Variants in ZNF41 observed in about 807,000 individuals in gnomAD.
The protein encoded by ZNF41 is zinc finger protein 41.
In ZNF41, 6 loss-of-function variants were observed where a neutral mutation model predicts 9.3. The ratio of observed to expected loss-of-function variants is 0.65; its 90% CI spans 0.35 to 1.28. ZNF41 has a LOEUF of 1.28. Among genes scored for constraint, ZNF41 ranks in the 50% most tolerant of loss-of-function variants. The pLI, the probability that ZNF41 is intolerant of heterozygous loss-of-function variation, is 0.03. For missense variants in ZNF41, 523 were observed against 585.8 expected, an observed-to-expected ratio of 0.89 and a Z score of 1.11; for synonymous variants, 192 against 207.1, an observed-to-expected ratio of 0.93 and a Z score of 0.63.
chrX:47,467,001 G>A (rs753391408), intron 2 of ZNF41, among the ~76,000 whole-genome samples: 7 of 111,839 alleles, frequency 6.3e-5, no homozygotes, highest in Non-Finnish European at 1.1e-4. Flanking sequence ...GGGATCAGCC[G>A]ACATCTGTAA....
chrX:47,463,087 A>G (rs1468172431), intron 2 of ZNF41, among the ~76,000 whole-genome samples: 1 of 109,618 alleles, frequency 9.1e-6, no homozygotes, highest in African/African-American at 3.3e-5. Context: ...TGGCCTCCCA[A>G]AGTGTTGGGA....
chrX:47,462,946 TAC>T (rs1159661067), intron 2 of ZNF41, among the ~76,000 whole-genome samples: 1,007 of 65,437 alleles, frequency 0.015, 3 homozygotes, highest in Non-Finnish European at 0.022. Context: ...TATATATATA[TAC>T]ACACACACAC....
chrX:47,456,301 A>T lies in ZNF41; in HGVS notation c.170T>A (p.Leu57Gln). The stretch of plus-strand genomic sequence containing the variant: ...TGAGAGCAGGTGGCTGTAGTTCTCT[A>T]GTGTCACATCCCAGTACAGGCGTCT... Reference protein sequence around the residue: ...AQRRLYWDVTLENYSHLLSVG... With the variant: ...AQRRLYWDVTQENYSHLLSVG... Residue 57 changes from leucine to glutamine, a missense_variant, in exon 3 of 5, where the codon CTA (leucine) becomes CAA (glutamine). Physicochemically the swap from Leu to Gln is moderately radical, Grantham distance 113 (BLOSUM62 -2). Transcript: ENST00000684689. 1 of 1,210,815 alleles carries T rather than the reference A, an allele frequency of 8.3e-7. No individual in the cohort carries two copies. The highest frequency in any genetic ancestry group is 1.1e-6 in the Non-Finnish European group (1 of 895,228).
chrX:47,468,170 G>T (rs939540365), intron 1 of ZNF41, among the ~76,000 whole-genome samples: 2 of 111,103 alleles, frequency 1.8e-5, no homozygotes, highest in Non-Finnish European at 3.8e-5. Context: ...TAAGAAATTT[G>T]CCCCAGGATC....
At chrX:47,451,486 G>A (rs1393757795) in intron 4 of ZNF41, among the ~76,000 whole-genome samples, 1 of 112,106 alleles carries the variant, frequency 8.9e-6, no homozygotes, top group African/African-American at 3.2e-5. Context: ...GGGTGCGGTG[G>A]CTCATGTCTG....
intron 1 of ZNF41, among the ~76,000 whole-genome samples, chrX:47,471,635 AT>A (rs1319748419): frequency 1.8e-5 from 2 of 111,189 alleles, no homozygotes; most frequent in Non-Finnish European, 3.8e-5. Flanking sequence ...GGATACCTAA[AT>A]TGGACTACAT....
At chrX:47,457,406 C>T (rs1341837871) in intron 2 of ZNF41, among the ~76,000 whole-genome samples, 3 of 107,013 alleles carry the variant, frequency 2.8e-5, no homozygotes, top group Non-Finnish European at 5.8e-5. Context: ...AGTGAGACTC[C>T]GTCTAAAAAA....
intron 2 of ZNF41, among the ~76,000 whole-genome samples, chrX:47,463,505 G>A (rs779372129): frequency 1.8e-5 from 2 of 111,217 alleles, no homozygotes; most frequent in Non-Finnish European, 3.8e-5. Context: ...GGGCCCTCGG[G>A]CTGTTAACTC....
rs754104463 is a variant in ZNF41, at chrX:47,474,106, C to T, written c.-279-6346G>A. The stretch of plus-strand genomic sequence containing the variant: ...TCAGCAACAAAAAGAAATGAATTAT[C>T]GTTCTAGCAACAGTTTGGATGGTTT... On this transcript the variant is annotated intron_variant, in intron 1 of 4. Transcript: ENST00000684689. 5.5e-4 allele frequency among the ~76,000 whole-genome samples: 62 copies of T among 112,194 alleles called. 1 individual carries two copies. The highest frequency in any genetic ancestry group is 9.6e-4 in the Non-Finnish European group (51 of 53,193).
rs184468741 is a variant in ZNF41, at chrX:47,457,745, G to A, written c.73-1347C>T. 5.7e-3 allele frequency among the ~76,000 whole-genome samples: 639 copies of A among 112,308 alleles called. 2 individuals are homozygous for A. The highest frequency in any genetic ancestry group is 0.02 in the African/African-American group (611 of 30,972). ...CCAGCTACTCGGGAAGCTGAGGCAG[G>A]AGAATTGCTTGAACTCAGGAGGCGG... On this transcript the variant is annotated intron_variant, in intron 2 of 4. Coordinates refer to ENST00000684689, the MANE Select transcript of ZNF41 (RefSeq NM_001324144.2).
chrX:47,482,637 G>C lies in ZNF41; in HGVS notation c.-280+458C>G, dbSNP rs1015957271. ...CGCGTGTGCGTCGAAGGAGAGGCGG[G>C]CTTTCCAATTTCCTTCAGTGACTCT... On this transcript the variant is annotated intron_variant, in intron 1 of 4. Coordinates refer to ENST00000684689, the MANE Select transcript of ZNF41 (RefSeq NM_001324144.2). 1.3e-4 allele frequency: 15 copies of C among 112,995 alleles called. No homozygotes were observed. The East Asian group carries it at 4.2e-3, about 32-fold the overall frequency. 9.3% of individuals were successfully genotyped at this position (112,995 alleles called of 1,213,427 possible).
chrX:47,459,742 TA>T (rs768291943), intron 2 of ZNF41, among the ~76,000 whole-genome samples: 39 of 16,160 alleles, frequency 2.4e-3, no homozygotes, highest in East Asian at 0.013. Flanking sequence ...AGACCCTATC[TA>T]AAAAAAAAAA....
intron 4 of ZNF41, among the ~76,000 whole-genome samples, chrX:47,451,081 C>T (rs1034335171): frequency 8.9e-6 from 1 of 112,176 alleles, no homozygotes; most frequent in Non-Finnish European, 1.9e-5. Flanking sequence ...GACACTGTAC[C>T]ATTCATATTG....
chrX:47,463,120 C>A (rs2147691890), intron 2 of ZNF41, among the ~76,000 whole-genome samples: 1 of 110,539 alleles, frequency 9.0e-6, no homozygotes, highest in Non-Finnish European at 1.9e-5. Flanking sequence ...ACCACCGTGC[C>A]TGGCCATTGA....
Position 47,448,698 on chromosome X carries a change from T to C in ZNF41, c.1072A>G (p.Ser358Gly). ...IHTGQKPYKC[S>G]ECGKAFFQRS... ...TGGAAAAAGGCTTTTCCACATTCAC[T>C]GCATTTGTAGGGTTTCTGCCCGGTA... Residue 358 changes from serine (S) to glycine (G), a missense_variant, in exon 5 of 5, where the codon AGT becomes GGT. By Grantham distance (56) the Ser-to-Gly change is moderately conservative. Transcript: ENST00000684689. 1 of 1,211,952 alleles carries C rather than the reference T, an allele frequency of 8.3e-7. No individual in the cohort carries two copies. Among genetic ancestry groups the C allele is most frequent in the Non-Finnish European group, 1.1e-6 (1 of 895,593 alleles).
chrX:47,482,853 T>TAA (rs2057517392), intron 1 of ZNF41: 1 of 113,024 alleles, frequency 8.8e-6, no homozygotes, highest in Admixed American at 9.2e-5. Flanking sequence ...CTCTAGGAGT[T>TAA]AGTCACCTCC....
intron 2 of ZNF41, 116 bp downstream of exon 2, chrX:47,467,294 G>A: frequency 8.6e-7 from 1 of 1,161,539 alleles, no homozygotes; most frequent in Admixed American, 2.6e-5. Context: ...AGGGTGGCAG[G>A]TCCGGAATCT....
At chrX:47,468,075 T>C (rs1467349539) in intron 1 of ZNF41, among the ~76,000 whole-genome samples, 2 of 111,847 alleles carry the variant, frequency 1.8e-5, no homozygotes, top group African/African-American at 6.5e-5. Context: ...AGGTACCTCA[T>C]TTAATTTTCA....
chrX:47,456,162 C>A, intron 3 of ZNF41, 110 bp downstream of exon 3: 1 of 1,102,677 alleles, frequency 9.1e-7, no homozygotes, highest in Non-Finnish European at 1.3e-6. Flanking sequence ...GGAACTGAAT[C>A]CCAGACAAAT....
Sources: gnomAD v4.1 joint callset for allele counts (sites outside exome capture counted in the v4.1 genomes callset) on GRCh38, gnomAD v4.1.1 for gene constraint, MANE v1.5 for transcripts, NCBI Gene and HGNC (gene_info 2026-07-23, HGNC 2026-07-21) for gene names.